The following SPOCK3 variants were observed in gnomAD, a reference collection of about 807,000 sequenced individuals.
The protein encoded by SPOCK3 is testican-3.
In SPOCK3, 30 loss-of-function variants were observed where a neutral mutation model predicts 56.6. That is an observed-to-expected ratio of 0.53 (90% CI 0.40 to 0.72). SPOCK3 has a LOEUF of 0.72. Among genes scored for constraint, SPOCK3 ranks in the 30% least tolerant of loss-of-function variants. The pLI, the probability that SPOCK3 is intolerant of heterozygous loss-of-function variation, is 0.00. For missense variants in SPOCK3, 527 were observed against 530.0 expected, an observed-to-expected ratio of 0.99 and a Z score of 0.06; for synonymous variants, 196 against 183.3, an observed-to-expected ratio of 1.07 and a Z score of -0.56.
chr4:166,995,132 T>A (rs1231218995), intron 4 of SPOCK3, among the ~76,000 whole-genome samples: 1 of 152,066 alleles, frequency 6.6e-6, no homozygotes, highest in African/African-American at 2.4e-5. Context: ...ATAAATTAAG[T>A]GAATTCTCTG....
intron 6 of SPOCK3, among the ~76,000 whole-genome samples, chr4:166,883,716 T>C (rs1466196722): frequency 2.0e-5 from 3 of 152,230 alleles, no homozygotes; most frequent in African/African-American, 7.2e-5. Flanking sequence ...AAATGTCTTT[T>C]AGTAACTCGT....
At chr4:166,833,437 A>C (rs1317540631) in intron 6 of SPOCK3, among the ~76,000 whole-genome samples, 1 of 152,166 alleles carries the variant, frequency 6.6e-6, no homozygotes, top group African/African-American at 2.4e-5. Context: ...ACTAAGAGGC[A>C]AATGTTGCAG....
At chr4:167,172,657 C>A (rs1730609265) in intron 2 of SPOCK3, among the ~76,000 whole-genome samples, 1 of 151,970 alleles carries the variant, frequency 6.6e-6, no homozygotes, top group Non-Finnish European at 1.5e-5. Flanking sequence ...TATCTAGGGA[C>A]ATATTTTTTA....
At chr4:167,193,564 A>G (rs1022868760) in intron 2 of SPOCK3, among the ~76,000 whole-genome samples, 6 of 146,166 alleles carry the variant, frequency 4.1e-5, no homozygotes, top group Admixed American at 2.8e-4. Flanking sequence ...CACCATTTAT[A>G]CATCACCATT....
intron 4 of SPOCK3, among the ~76,000 whole-genome samples, chr4:166,987,981 T>A (rs975540191): frequency 1.1e-4 from 16 of 152,090 alleles, no homozygotes; most frequent in Admixed American, 1.0e-3. Context: ...GTAAAAGAAG[T>A]GGAATTTTCG....
chr4:166,766,065 T>C (rs577550982), intron 7 of SPOCK3, among the ~76,000 whole-genome samples: 2 of 152,302 alleles, frequency 1.3e-5, no homozygotes, highest in South Asian at 2.1e-4. Flanking sequence ...TGAAGTTGCT[T>C]ATCAGCTTAA....
At chr4:167,137,342 T>C (rs1763206132) in intron 2 of SPOCK3, among the ~76,000 whole-genome samples, 1 of 151,946 alleles carries the variant, frequency 6.6e-6, no homozygotes, top group African/African-American at 2.4e-5. Flanking sequence ...AAAGAAATAA[T>C]AGAACCTGAG....
intron 3 of SPOCK3, among the ~76,000 whole-genome samples, chr4:167,034,869 T>C (rs1752600654): frequency 6.6e-6 from 1 of 152,194 alleles, no homozygotes; most frequent in African/African-American, 2.4e-5. Flanking sequence ...GTAATTTATC[T>C]CCATACAGAA....
At chr4:167,062,684 A>T (rs1435979427) in intron 2 of SPOCK3, 147 bp from the exon 3 acceptor site, 2 of 592,196 alleles carry the variant, frequency 3.4e-6, no homozygotes, top group Non-Finnish European at 6.0e-6. Flanking sequence ...TAAAATAAAT[A>T]AATAAAAATA....
intron 8 of SPOCK3, among the ~76,000 whole-genome samples, chr4:166,752,967 A>G (rs1222716113): frequency 8.2e-6 from 1 of 121,452 alleles, no homozygotes; most frequent in Non-Finnish European, 1.7e-5. Flanking sequence ...TCATATGGCT[A>G]TATAAAAATT....
chr4:167,108,785 CTT>C lies in SPOCK3; in HGVS notation c.190-46250_190-46249del, dbSNP rs1314849116. 4.7e-5 allele frequency among the ~76,000 whole-genome samples: 7 copies of C among 150,080 alleles called. 1 individual carries two copies. The East Asian group carries it at 1.2e-3, about 25-fold the overall frequency. Reference sequence around the variant, plus strand: ...TGTAGTCAAAAATAATTTAACTACACTTTTAAAAATAATGAAGAGTATAATTG... The same window carrying C: ...TGTAGTCAAAAATAATTTAACTACACTTAAAAATAATGAAGAGTATAATTG... On this transcript the variant is annotated intron_variant, in intron 2 of 10. Transcript: ENST00000357545.
At chr4:166,771,526 C>T (rs1012588967) in intron 7 of SPOCK3, among the ~76,000 whole-genome samples, 3 of 151,942 alleles carry the variant, frequency 2.0e-5, no homozygotes, top group Non-Finnish European at 4.4e-5. Context: ...GTTTGACATC[C>T]TCAGTCCAAA....
chr4:167,176,717 G>T (rs1232418090), intron 2 of SPOCK3, among the ~76,000 whole-genome samples: 1 of 152,050 alleles, frequency 6.6e-6, no homozygotes, highest in Non-Finnish European at 1.5e-5. Context: ...TAAAGAAAGG[G>T]ATTGGAACTG....
chr4:166,911,204 A>G (rs568342821), intron 5 of SPOCK3, among the ~76,000 whole-genome samples: 1 of 152,210 alleles, frequency 6.6e-6, no homozygotes, highest in South Asian at 2.1e-4. Context: ...AGGTAGACAT[A>G]TGACAGCTTC....
intron 2 of SPOCK3, among the ~76,000 whole-genome samples, chr4:167,207,874 T>A (rs965373554): frequency 4.8e-4 from 69 of 145,234 alleles, no homozygotes; most frequent in African/African-American, 1.7e-3. Flanking sequence ...AGTATAATAA[T>A]AAAAAAAAAA....
chr4:167,210,810 C>A (rs1241474598), intron 2 of SPOCK3, among the ~76,000 whole-genome samples: 2 of 152,062 alleles, frequency 1.3e-5, no homozygotes, highest in Non-Finnish European at 2.9e-5. Context: ...TAGGTAAGTG[C>A]AGAAGGCTCT....
chr4:166,949,371 C>A (rs1276987065), intron 4 of SPOCK3, among the ~76,000 whole-genome samples: 2 of 152,166 alleles, frequency 1.3e-5, no homozygotes, highest in Non-Finnish European at 2.9e-5. Context: ...AGCTTTGTTC[C>A]ATTGCTGGTG....
In SPOCK3 at chr4:166,786,164, G is replaced by A. The variant is rs557772543; in HGVS notation, c.709+6006C>T. Among the ~76,000 whole-genome samples the A allele has an allele frequency of 8.8e-4, 134 of 152,132 alleles. 1 individual carries two copies. The highest frequency in any genetic ancestry group is 6.3e-3 in the Middle Eastern group (2 of 316). ...ACCTAGTGAGGAATGTTTGGGCAAC[G>A]AGCTGGATGAAGTGAGGGAGTGAGC... On this transcript the variant is annotated intron_variant, in intron 7 of 10. Transcript: ENST00000357545.
chr4:167,035,428 T>A (rs1752658738), intron 3 of SPOCK3, among the ~76,000 whole-genome samples: 1 of 151,804 alleles, frequency 6.6e-6, no homozygotes, highest in Non-Finnish European at 1.5e-5. Flanking sequence ...AAAAAAAGTA[T>A]CCTAGGGTAG....
Sources: gnomAD v4.1 joint callset for allele counts (sites outside exome capture counted in the v4.1 genomes callset) on GRCh38, gnomAD v4.1.1 for gene constraint, MANE v1.5 for transcripts, NCBI Gene and HGNC (gene_info 2026-07-23, HGNC 2026-07-21) for gene names.